Variants in C12orf42 observed in about 807,000 individuals in gnomAD.
C12orf42 encodes the protein chromosome 12 open reading frame 42.
In C12orf42, 25 loss-of-function variants were observed where a neutral mutation model predicts 21.6. That is an observed-to-expected ratio of 1.16 (90% CI 0.84 to 1.62). The LOEUF (loss-of-function observed/expected upper bound fraction) is 1.62, where lower values mean the gene tolerates loss of function less well. Ranked by LOEUF, C12orf42 falls within the 40% of genes most tolerant of loss-of-function variation. The pLI is 0.00. For synonymous variants in C12orf42, 174 were observed against 175.0 expected (o/e 0.99, Z 0.05); for missense variants, 483 against 459.3 (o/e 1.05, Z -0.47).
chr12:103,060,727 G>C, the C12orf42 span, among the ~76,000 whole-genome samples: 1 of 152,138 alleles, frequency 6.6e-6, no homozygotes, highest in Non-Finnish European at 1.5e-5. Flanking sequence ...ATGGGGAAAG[G>C]TTTCCATATT....
the C12orf42 span, among the ~76,000 whole-genome samples, chr12:103,203,630 T>A: frequency 2.0e-5 from 3 of 152,134 alleles, no homozygotes; most frequent in Non-Finnish European, 4.4e-5. Context: ...AGATAAGACA[T>A]CACTAATAGG....
chr12:103,058,202 G>A, the C12orf42 span, among the ~76,000 whole-genome samples: 6 of 152,080 alleles, frequency 3.9e-5, no homozygotes, highest in Non-Finnish European at 7.4e-5. Context: ...TGATCCACCC[G>A]CCTTGGCCTC....
intron 10 of C12orf42, among the ~76,000 whole-genome samples, chr12:103,255,622 GTTTGT>G (rs1027699413): frequency 6.6e-5 from 10 of 151,382 alleles, no homozygotes; most frequent in Admixed American, 2.0e-4. Context: ...ATTACTTATC[GTTTGT>G]TTTAAGGACC....
downstream of C12orf42, among the ~76,000 whole-genome samples, chr12:103,234,516 G>T (rs1167430763): frequency 6.6e-6 from 1 of 152,228 alleles, no homozygotes; most frequent in African/African-American, 2.4e-5. Context: ...CCCTGCTAAT[G>T]CCTACTCCAT....
intron 4 of C12orf42, among the ~76,000 whole-genome samples, chr12:103,308,863 G>C (rs1370213572): frequency 6.6e-6 from 1 of 152,164 alleles, no homozygotes; most frequent in African/African-American, 2.4e-5. Context: ...AAAGAAAACA[G>C]AGATACAAAC....
chr12:103,184,195 C>G, the C12orf42 span, among the ~76,000 whole-genome samples: 1 of 152,168 alleles, frequency 6.6e-6, no homozygotes, highest in Non-Finnish European at 1.5e-5. Context: ...CTCCTTTCAG[C>G]TCTATCAATT....
At chr12:103,441,818 A>G (rs1425395332) in intron 2 of C12orf42, among the ~76,000 whole-genome samples, 1 of 152,172 alleles carries the variant, frequency 6.6e-6, no homozygotes, top group African/African-American at 2.4e-5. Flanking sequence ...AGAAAACTCA[A>G]TCATTAAAGA....
At chr12:103,553,894 C>A in the C12orf42 span, among the ~76,000 whole-genome samples, 24 of 152,326 alleles carry the variant, frequency 1.6e-4, no homozygotes, top group African/African-American at 5.8e-4. Context: ...TATCCCAACA[C>A]CTTATCCACT....
Position 103,249,103 on chromosome 12 carries a change from G to A in C12orf42, c.*1367-11201C>T, listed in dbSNP as rs113565919. On this transcript the variant is annotated intron_variant and NMD_transcript_variant, in intron 10 of 10. Coordinates refer to the C12orf42 transcript ENST00000547347. Reference sequence around the variant, plus strand: ...TGGAGGGAGGAATCAAGCTTGAGTCGGGGCCCTGAGGGAGGTCATATTAGA... The same window carrying A: ...TGGAGGGAGGAATCAAGCTTGAGTCAGGGCCCTGAGGGAGGTCATATTAGA... Among the ~76,000 whole-genome samples, 394 of 152,008 alleles carry A rather than the reference G, an allele frequency of 2.6e-3. 7 individuals are homozygous for A. The highest frequency in any genetic ancestry group is 8.9e-3 in the African/African-American group (370 of 41,458).
At chr12:103,112,470 G>T in the C12orf42 span, among the ~76,000 whole-genome samples, 2 of 152,050 alleles carry the variant, frequency 1.3e-5, no homozygotes, top group Admixed American at 6.6e-5. Flanking sequence ...GACAAGCCTA[G>T]CCAACAGAGT....
chr12:103,370,226 A>ATG (rs2045069904), intron 3 of C12orf42, among the ~76,000 whole-genome samples: 1 of 152,156 alleles, frequency 6.6e-6, no homozygotes. Flanking sequence ...ATGTCAAAGA[A>ATG]TAACAGATGC....
At chr12:103,373,834 A>G (rs1285753199) in intron 3 of C12orf42, among the ~76,000 whole-genome samples, 1 of 152,224 alleles carries the variant, frequency 6.6e-6, no homozygotes, top group Non-Finnish European at 1.5e-5. Flanking sequence ...TGGAAAATCA[A>G]TTTGTGATTG....
At chr12:103,433,731 G>A (rs1950439176) in intron 2 of C12orf42, among the ~76,000 whole-genome samples, 1 of 152,202 alleles carries the variant, frequency 6.6e-6, no homozygotes, top group Non-Finnish European at 1.5e-5. Flanking sequence ...TATGCAGAAT[G>A]TGCAACTTGT....
At chr12:103,417,917 A>G (rs2049511041) in intron 2 of C12orf42, among the ~76,000 whole-genome samples, 1 of 152,244 alleles carries the variant, frequency 6.6e-6, no homozygotes, top group Admixed American at 6.5e-5. Context: ...AACAGAAACC[A>G]GATTTTACAA....
At chr12:103,442,438 C>T (rs1052479075) in intron 2 of C12orf42, among the ~76,000 whole-genome samples, 3 of 152,134 alleles carry the variant, frequency 2.0e-5, no homozygotes, top group Non-Finnish European at 4.4e-5. Context: ...CTAAGATCTT[C>T]GCAGGCTGAA....
the C12orf42 span, among the ~76,000 whole-genome samples, chr12:103,098,812 ATAATGCC>A: frequency 6.6e-6 from 1 of 152,248 alleles, no homozygotes; most frequent in Non-Finnish European, 1.5e-5. Context: ...TCCACCTATA[ATAATGCC>A]TACAGGGACT....
intron 4 of C12orf42, among the ~76,000 whole-genome samples, chr12:103,325,977 G>A (rs566669043): frequency 1.3e-5 from 2 of 152,326 alleles, no homozygotes; most frequent in South Asian, 4.1e-4. Flanking sequence ...AGACAAGAAA[G>A]AGTACATTGT....
chr12:103,074,145 T>C, the C12orf42 span, among the ~76,000 whole-genome samples: 1 of 152,138 alleles, frequency 6.6e-6, no homozygotes, highest in Non-Finnish European at 1.5e-5. Context: ...TAAAACTGAA[T>C]AATGAGGAGT....
At chr12:103,454,377 C>T (rs1056333020) in intron 2 of C12orf42, among the ~76,000 whole-genome samples, 2 of 152,028 alleles carry the variant, frequency 1.3e-5, no homozygotes, top group Non-Finnish European at 2.9e-5. Context: ...AATCTTAAGT[C>T]ATTAAGAAAG....
Sources: gnomAD v4.1 joint callset for allele counts (sites outside exome capture counted in the v4.1 genomes callset) on GRCh38, gnomAD v4.1.1 for gene constraint, MANE v1.5 for transcripts, NCBI Gene and HGNC (gene_info 2026-07-23, HGNC 2026-07-21) for gene names.